The following RUNDC3B variants were observed in gnomAD, a reference collection of about 807,000 sequenced individuals.
RUNDC3B encodes the protein RUN domain containing 3B, also known as RUN domain-containing protein 3B.
RUNDC3B carries 33 observed loss-of-function variants against 58.4 expected under a neutral mutation model. That is an observed-to-expected ratio of 0.56 (90% CI 0.43 to 0.75). RUNDC3B has a LOEUF of 0.75. RUNDC3B is among the 30% of genes least tolerant of loss of function. The pLI is 0.00. For missense variants in RUNDC3B, 501 were observed against 535.7 expected (o/e 0.94, Z 0.64); for synonymous variants, 193 against 195.2 (o/e 0.99, Z 0.10).
At chr7:87,825,496 A>C (rs1177125376) in intron 10 of RUNDC3B, among the ~76,000 whole-genome samples, 1 of 152,122 alleles carries the variant, frequency 6.6e-6, no homozygotes, top group Non-Finnish European at 1.5e-5. Flanking sequence ...CTCATGAAGA[A>C]CTTCTACCAG....
intron 4 of RUNDC3B, among the ~76,000 whole-genome samples, chr7:87,729,470 C>A (rs1417246197): frequency 6.6e-6 from 1 of 152,200 alleles, no homozygotes; most frequent in Non-Finnish European, 1.5e-5. Context: ...GAACTCAGTA[C>A]TGCCCTGTCA....
intron 4 of RUNDC3B, among the ~76,000 whole-genome samples, chr7:87,715,479 TATAA>T (rs1407679774): frequency 7.4e-6 from 1 of 135,192 alleles, no homozygotes; most frequent in East Asian, 2.0e-4. Context: ...TATATTAATA[TATAA>T]ATAATACATA....
intron 4 of RUNDC3B, among the ~76,000 whole-genome samples, chr7:87,730,206 G>T (rs1831496849): frequency 6.6e-6 from 1 of 152,150 alleles, no homozygotes; most frequent in Non-Finnish European, 1.5e-5. Flanking sequence ...AACAGAGAAT[G>T]AATGCAGGGG....
At chr7:87,809,297 T>A (rs1263804244) in intron 9 of RUNDC3B, among the ~76,000 whole-genome samples, 1 of 152,158 alleles carries the variant, frequency 6.6e-6, no homozygotes, top group Admixed American at 6.5e-5. Flanking sequence ...TGTCCTCAGA[T>A]GTTGGTATTG....
intron 8 of RUNDC3B, among the ~76,000 whole-genome samples, chr7:87,793,651 C>T (rs1835650182): frequency 6.6e-6 from 1 of 151,998 alleles, no homozygotes; most frequent in Non-Finnish European, 1.5e-5. Context: ...AAAAAACACT[C>T]AAAAAACTGA....
At chr7:87,699,047 A>G (rs1828768631) in intron 2 of RUNDC3B, among the ~76,000 whole-genome samples, 1 of 152,186 alleles carries the variant, frequency 6.6e-6, no homozygotes, top group Non-Finnish European at 1.5e-5. Flanking sequence ...GCTAGACATG[A>G]GTATTTTTTA....
intron 4 of RUNDC3B, among the ~76,000 whole-genome samples, chr7:87,726,226 T>C (rs1831222130): frequency 6.6e-6 from 1 of 152,188 alleles, no homozygotes; most frequent in Non-Finnish European, 1.5e-5. Context: ...TGGTTTTAGG[T>C]CTAACATTTA....
intron 4 of RUNDC3B, among the ~76,000 whole-genome samples, chr7:87,720,176 G>A (rs1583998114): frequency 6.6e-6 from 1 of 152,226 alleles, no homozygotes; most frequent in Admixed American, 6.5e-5. Flanking sequence ...GGGCAGAGAT[G>A]TAAACTGACA....
At chr7:87,732,477 G>A (rs1584035524) in intron 4 of RUNDC3B, among the ~76,000 whole-genome samples, 2 of 152,068 alleles carry the variant, frequency 1.3e-5, no homozygotes, top group Non-Finnish European at 2.9e-5. Flanking sequence ...CATCACAAAC[G>A]GCACTTGGAG....
At chr7:87,713,936 T>C (rs1412158975) in intron 4 of RUNDC3B, among the ~76,000 whole-genome samples, 1 of 152,198 alleles carries the variant, frequency 6.6e-6, no homozygotes, top group Non-Finnish European at 1.5e-5. Context: ...TAATTTATAA[T>C]GAAAAAGTTG....
intron 10 of RUNDC3B, among the ~76,000 whole-genome samples, chr7:87,824,595 G>T (rs2130971921): frequency 1.3e-5 from 2 of 152,314 alleles, no homozygotes; most frequent in East Asian, 3.9e-4. Flanking sequence ...AAGGGACTTT[G>T]GAACTGGGTT....
chr7:87,820,491 C>T (rs555428441), intron 10 of RUNDC3B, among the ~76,000 whole-genome samples: 5 of 152,284 alleles, frequency 3.3e-5, no homozygotes, highest in East Asian at 1.9e-4. Context: ...CCTTCTGAAA[C>T]TATTCCAATC....
At chr7:87,741,447 T>A in intron 5 of RUNDC3B, 52 bp from the exon 6 acceptor site, 1 of 1,027,156 alleles carries the variant, frequency 9.7e-7, no homozygotes, top group Non-Finnish European at 1.4e-6. Context: ...AACTTAACTT[T>A]GATTTAAAAT....
chr7:87,664,327 A>G (rs1272427624), intron 2 of RUNDC3B, among the ~76,000 whole-genome samples: 1 of 152,090 alleles, frequency 6.6e-6, no homozygotes, highest in African/African-American at 2.4e-5. Flanking sequence ...ACACAGCAAG[A>G]TACCATCTCT....
chr7:87,682,900 T>C (rs1827067535), intron 2 of RUNDC3B, among the ~76,000 whole-genome samples: 1 of 152,224 alleles, frequency 6.6e-6, no homozygotes, highest in South Asian at 2.1e-4. Context: ...CTATGAAAGG[T>C]TTAGATGGCA....
chr7:87,789,393 G>A (rs922296417), intron 8 of RUNDC3B, among the ~76,000 whole-genome samples: 4 of 152,150 alleles, frequency 2.6e-5, no homozygotes, highest in Non-Finnish European at 4.4e-5. Flanking sequence ...CCAATTTAGT[G>A]TAGTTCGTAG....
chr7:87,739,490 G>C (rs781218118), intron 4 of RUNDC3B, among the ~76,000 whole-genome samples: 10 of 151,946 alleles, frequency 6.6e-5, no homozygotes, highest in Non-Finnish European at 1.2e-4. Context: ...AAAAATGCTG[G>C]CACTCTAGAC....
chr7:87,819,881 C>A (rs1837314930), intron 10 of RUNDC3B, among the ~76,000 whole-genome samples: 1 of 152,030 alleles, frequency 6.6e-6, no homozygotes, highest in South Asian at 2.1e-4. Context: ...GGGACACATT[C>A]AAAGCAGTGT....
At position 87,815,109 on chromosome 7, in the gene RUNDC3B, T is replaced by G. The variant is rs147923285; in HGVS notation, c.1104-1032T>G. On this transcript the variant is annotated intron_variant, in intron 9 of 10. Transcript: ENST00000394654. ...TCCCCCCCTTCCTCCCCATTTTGAA[T>G]GGAGTCGTGAATTAACATAAAATGG... 9.9e-3 allele frequency among the ~76,000 whole-genome samples: 1,501 copies of G among 152,200 alleles called. 22 individuals carry two copies. The highest frequency in any genetic ancestry group is 0.033 in the African/African-American group (1,389 of 41,560).
Sources: gnomAD v4.1 joint callset for allele counts (sites outside exome capture counted in the v4.1 genomes callset) on GRCh38, gnomAD v4.1.1 for gene constraint, MANE v1.5 for transcripts, NCBI Gene and HGNC (gene_info 2026-07-23, HGNC 2026-07-21) for gene names.